The following EPN3 variants were observed in gnomAD, a reference collection of about 807,000 sequenced individuals.
EPN3 encodes the protein epsin 3, also known as epsin-3.
Under a neutral mutation model 55.5 loss-of-function variants are expected in EPN3, and 56 were observed. The ratio of observed to expected loss-of-function variants is 1.01; its 90% CI spans 0.81 to 1.26. EPN3 has a LOEUF of 1.26. EPN3 is among the 50% of genes most tolerant of loss of function. EPN3 has a pLI of 0.00. For missense variants in EPN3, 927 were observed against 853.4 expected, an observed-to-expected ratio of 1.09 and a Z score of -1.07; for synonymous variants, 449 against 375.2, an observed-to-expected ratio of 1.20 and a Z score of -2.27.
Position 50,541,535 on chromosome 17 carries a change from C to G in EPN3, c.1426C>G (p.Leu476Val). The stretch of plus-strand genomic sequence containing the variant: ...CACGAAGGAGCCAGATGCCCTGGAC[C>G]TGGGCATACTAGGGGAAGCACTAAC... ...NGTKEPDALDLGILGEALTQP... is the reference protein window; with the variant it reads ...NGTKEPDALDVGILGEALTQP... The change falls in exon 9 of 10, where the codon CTG becomes GTG. Residue 476 changes from leucine (L) to valine (V), a missense_variant. By Grantham distance (32) the Leu-to-Val change is conservative. Transcript: ENST00000268933. 6.2e-7 allele frequency: 1 copy of G among 1,614,194 alleles called. No individual in the cohort carries two copies. The highest frequency in any genetic ancestry group is 1.1e-5 in the South Asian group (1 of 91,086).
At chr17:50,539,073 A>C in intron 4 of EPN3, 109 bp downstream of exon 4, 5 of 1,553,040 alleles carry the variant, frequency 3.2e-6, no homozygotes, top group Non-Finnish European at 4.4e-6. Context: ...TGCTGCTCCT[A>C]ACCTCTCAGC....
chr17:50,542,046 T>C lies in EPN3; in HGVS notation c.1788T>C (p.Val596=). The stretch of plus-strand genomic sequence containing the variant: ...CTGGCTTGACCCTCCCCGCCTCGGT[T>C]AGCGTCTTCCCGCAGGCCGGAGCCT... The part of the protein sequence containing the change: ...VPAGLTLPAS[V]SVFPQAGAFA... The change falls in exon 10 of 10, where the codon GTT becomes GTC. Residue 596 remains valine, a synonymous_variant. Coordinates refer to ENST00000268933, the MANE Select transcript of EPN3 (RefSeq NM_017957.3). 1.3e-6 allele frequency: 2 copies of C among 1,594,964 alleles called. No individual in the cohort carries two copies. The highest frequency in any genetic ancestry group is 2.3e-5 in the East Asian group (1 of 44,360).
In EPN3 at chr17:50,542,125, C is replaced by T. The variant is rs1333681319; in HGVS notation, c.1867C>T (p.Pro623Ser). The change falls in exon 10 of 10, where the codon CCC (proline) becomes TCC (serine). Residue 623 changes from proline (P) to serine (S), a missense_variant. Transcript: ENST00000268933. ...GAGCTCAGCCGGGCCGCGGCCCCCG[C>T]CCCCGCAGACCGGCACCAACCCCTT... ...TPSSAGPRPP[P>S]PQTGTNPFL The T allele has an allele frequency of 6.6e-7, 1 of 1,518,990 alleles. No homozygotes were observed. The highest frequency in any genetic ancestry group is 8.8e-7 in the Non-Finnish European group (1 of 1,141,490). 94.1% of individuals were successfully genotyped at this position (1,518,990 alleles called of 1,614,324 possible).
At chr17:50,540,465 T>TC (rs2034831662) in intron 6 of EPN3, 131 bp downstream of exon 6, 2 of 861,710 alleles carry the variant, frequency 2.3e-6, no homozygotes, top group East Asian at 5.4e-5. Flanking sequence ...ACCTTGAGCC[T>TC]CCGCCGCCTG....
intron 1 of EPN3, among the ~76,000 whole-genome samples, chr17:50,533,726 G>C (rs958559180): frequency 1.3e-5 from 2 of 152,172 alleles, no homozygotes; most frequent in Admixed American, 6.5e-5. Flanking sequence ...ATGCAGGAGA[G>C]AGCTGATACT....
intron 3 of EPN3, 40 bp downstream of exon 3, chr17:50,538,237 G>C (rs745897632): frequency 6.5e-7 from 1 of 1,534,054 alleles, no homozygotes; most frequent in Non-Finnish European, 8.9e-7. Flanking sequence ...GAGGGGATGG[G>C]CTAGGGGGAG....
At position 50,534,238 on chromosome 17, in the gene EPN3, C is replaced by A. The variant is rs898381321; in HGVS notation, c.-137+1253C>A. On this transcript the variant is annotated intron_variant, in intron 1 of 9. Transcript: ENST00000268933. Reference sequence around the variant, plus strand: ...TCAAGGTGCCTCCCCATGTTTCTGGCCCCGCCCTTCCCCCCAGCCCCTGCA... The same window carrying A: ...TCAAGGTGCCTCCCCATGTTTCTGGACCCGCCCTTCCCCCCAGCCCCTGCA... Among the ~76,000 whole-genome samples the A allele has an allele frequency of 7.2e-5, 11 of 152,212 alleles. No homozygotes were observed. The South Asian group carries it at 2.3e-3, about 32-fold the overall frequency.
intron 1 of EPN3, chr17:50,534,302 C>A: frequency 1.7e-6 from 1 of 599,394 alleles, no homozygotes; most frequent in Non-Finnish European, 2.1e-6. Flanking sequence ...TGAGAAAGGT[C>A]CAGGCAGGGC....
In EPN3 at chr17:50,542,114, C is replaced by T. The variant is rs781623553; in HGVS notation, c.1856C>T (p.Pro619Leu). ...CTGCCCACGCCGAGCTCAGCCGGGCCGCGGCCCCCGCCCCCGCAGACCGGC... is the reference window on the plus strand; with the variant it reads ...CTGCCCACGCCGAGCTCAGCCGGGCTGCGGCCCCCGCCCCCGCAGACCGGC... ...PLLPTPSSAG[P>L]RPPPPQTGTN... Residue 619 changes from proline (P) to leucine (L), a missense_variant, in exon 10 of 10, where the codon CCG becomes CTG. Transcript: ENST00000268933. 3.3e-6 allele frequency: 5 copies of T among 1,530,890 alleles called. No homozygotes were observed. Among genetic ancestry groups the T allele is most frequent in the Admixed American group, 2.0e-5 (1 of 51,266 alleles). The allele number at this position is 1,530,890 out of a possible 1,614,324, so 94.8% of individuals were successfully genotyped here. A position where few individuals can be genotyped will look rare whatever the true frequency, so the allele number is the denominator to read the frequency against.
At chr17:50,538,464 G>A (rs2034796466) in intron 3 of EPN3, 2 of 517,976 alleles carry the variant, frequency 3.9e-6, no homozygotes, top group African/African-American at 3.9e-5. Context: ...CCACCTCATG[G>A]TGGAGTGGGT....
chr17:50,540,458 T>A, intron 6 of EPN3, 124 bp downstream of exon 6: 1 of 906,346 alleles, frequency 1.1e-6, no homozygotes, highest in Non-Finnish European at 1.7e-6. Flanking sequence ...ACTCACCACC[T>A]TGAGCCTCCG....
chr17:50,532,999 C>A lies in EPN3; in HGVS notation c.-137+14C>A. The A allele has an allele frequency of 1.6e-6, 2 of 1,270,634 alleles. No homozygotes were observed. Among genetic ancestry groups the A allele is most frequent in the Non-Finnish European group, 1.0e-6 (1 of 974,704 alleles). The allele number at this position is 1,270,634 out of a possible 1,614,324, so 78.7% of individuals were successfully genotyped here. ...CCCGCACTGGAGGTAAGCTTCCTCC[C>A]TGGCCCCCTCCCTGGCAGTGGCGGC... On this transcript the variant is annotated intron_variant, in intron 1 of 9. Coordinates refer to ENST00000268933, the MANE Select transcript of EPN3 (RefSeq NM_017957.3).
rs770873913 is a variant in EPN3, at chr17:50,536,667, T to A, written c.111T>A (p.Ser37Arg). Residue 37 changes from serine to arginine, a missense_variant, in exon 2 of 10, where the codon AGT becomes AGA. Physicochemically the swap from Ser to Arg is moderately radical, Grantham distance 110. Transcript: ENST00000268933. ...GCAATGACCCCTGGGGCCCCCCTAG[T>A]TCGCTCATGTCCGAGATCGCTGACC... ...ATSNDPWGPP[S>R]SLMSEIADLT... The A allele has an allele frequency of 1.9e-6, 3 of 1,614,048 alleles. No individual in the cohort carries two copies. Among genetic ancestry groups the A allele is most frequent in the African/African-American group, 1.3e-5 (1 of 75,006 alleles).
chr17:50,533,720 A>G (rs1027915179), intron 1 of EPN3, among the ~76,000 whole-genome samples: 3 of 152,124 alleles, frequency 2.0e-5, no homozygotes, highest in Non-Finnish European at 2.9e-5. Flanking sequence ...CCCTGTATGC[A>G]GGAGAGAGCT....
chr17:50,532,762 G>A lies in EPN3; in HGVS notation c.-360G>A, dbSNP rs951575931. On this transcript the variant is annotated 5_prime_UTR_variant, in exon 1 of 10. Coordinates refer to ENST00000268933, the MANE Select transcript of EPN3 (RefSeq NM_017957.3). The stretch of plus-strand genomic sequence containing the variant: ...AGTGCTGCCTGGCGCTGGCTAGGAG[G>A]CAAACGCACGCGGGAAGAGCTGCTA... 6.7e-5 allele frequency: 42 copies of A among 626,294 alleles called. 1 individual carries two copies. Among genetic ancestry groups the A allele is most frequent in the Non-Finnish European group, 9.8e-5 (41 of 416,996 alleles). The allele number at this position is 626,294 out of a possible 1,614,324, so 38.8% of individuals were successfully genotyped here. A position where few individuals can be genotyped will look rare whatever the true frequency, so the allele number is the denominator to read the frequency against.
chr17:50,532,906 G>C lies in EPN3; in HGVS notation c.-216G>C. On this transcript the variant is annotated 5_prime_UTR_variant, in exon 1 of 10. Coordinates refer to ENST00000268933, the MANE Select transcript of EPN3 (RefSeq NM_017957.3). ...CTGGAGACGCTCCCGAGGCTGTGCC[G>C]TCCCGCTGCTGCACAGGTCGGAGGG... is the stretch of plus-strand genomic sequence containing the variant. 3.1e-6 allele frequency: 4 copies of C among 1,285,206 alleles called. No homozygotes were observed. Among genetic ancestry groups the C allele is most frequent in the Non-Finnish European group, 4.1e-6 (4 of 987,142 alleles). The allele number at this position is 1,285,206 out of a possible 1,614,324, so 79.6% of individuals were successfully genotyped here.
chr17:50,534,690 C>T, intron 1 of EPN3: 2 of 972,008 alleles, frequency 2.1e-6, no homozygotes, highest in Non-Finnish European at 2.4e-6. Context: ...TCCACCTCGC[C>T]CACTCCCACG....
chr17:50,539,203 A>T lies in EPN3; in HGVS notation c.779A>T (p.Gln260Leu). The T allele has an allele frequency of 6.2e-7, 1 of 1,614,050 alleles. No homozygotes were observed. The highest frequency in any genetic ancestry group is 8.5e-7 in the Non-Finnish European group (1 of 1,179,986). ...QEHEKEVRSW[Q>L]GDGSPMANGA... The stretch of plus-strand genomic sequence containing the variant: ...CTTCTGCAGGAGGTGAGGTCCTGGC[A>T]GGGTGATGGCTCCCCCATGGCCAAT... Residue 260 changes from glutamine (Q) to leucine (L), a missense_variant, in exon 5 of 10, where the codon CAG becomes CTG. Coordinates refer to ENST00000268933, the MANE Select transcript of EPN3 (RefSeq NM_017957.3).
chr17:50,536,212 G>C, intron 1 of EPN3: 2 of 302,958 alleles, frequency 6.6e-6, no homozygotes, highest in South Asian at 8.4e-5. Context: ...AATGATAATA[G>C]CATCTTTGGG....
Sources: allele counts gnomAD v4.1 joint callset (sites outside exome capture counted in the v4.1 genomes callset), GRCh38; gene constraint gnomAD v4.1.1; transcripts MANE v1.5; gene names NCBI Gene and HGNC (gene_info 2026-07-23, HGNC 2026-07-21).